The following NAA50 variants were observed in gnomAD, a reference collection of about 807,000 sequenced individuals.
The protein encoded by NAA50 is N-alpha-acetyltransferase 50, NatE catalytic subunit.
In NAA50, 7 loss-of-function variants were observed where a neutral mutation model predicts 20.7. The ratio of observed to expected loss-of-function variants is 0.34; its 90% CI spans 0.19 to 0.63. The LOEUF is 0.63. Among genes scored for constraint, NAA50 ranks in the 30% least tolerant of loss-of-function variants. The probability of loss-of-function intolerance (pLI) is 0.75; values close to 1 mark genes in which losing one functional copy is unlikely to be tolerated. For synonymous variants in NAA50, 54 were observed against 70.6 expected (o/e 0.77, Z 1.18); for missense variants, 111 against 199.1 (o/e 0.56, Z 2.66).
intron 2 of NAA50, 62 bp from the exon 3 acceptor site, chr3:113,723,603 C>T: frequency 6.6e-7 from 1 of 1,510,042 alleles, no homozygotes; most frequent in Non-Finnish European, 8.9e-7. Flanking sequence ...TAATCTTTTT[C>T]CCTTTTAAAG....
At chr3:113,726,368 T>C (rs968114624) in intron 1 of NAA50, among the ~76,000 whole-genome samples, 1 of 152,176 alleles carries the variant, frequency 6.6e-6, no homozygotes, top group Non-Finnish European at 1.5e-5. Context: ...GAATTCCCTG[T>C]ATGAAATTCA....
At chr3:113,744,059 C>G (rs1708457054) in intron 1 of NAA50, among the ~76,000 whole-genome samples, 1 of 152,176 alleles carries the variant, frequency 6.6e-6, no homozygotes, top group Admixed American at 6.5e-5. Context: ...AATTTCAACA[C>G]TGGGAACTCT....
intron 1 of NAA50, among the ~76,000 whole-genome samples, chr3:113,743,101 A>G (rs1708439623): frequency 6.6e-6 from 1 of 152,232 alleles, no homozygotes; most frequent in African/African-American, 2.4e-5. Context: ...TCAGTAGTTA[A>G]TAACCGGAAA....
At chr3:113,738,645 T>C (rs1356572768) in intron 1 of NAA50, among the ~76,000 whole-genome samples, 1 of 152,246 alleles carries the variant, frequency 6.6e-6, no homozygotes, top group African/African-American at 2.4e-5. Flanking sequence ...CCTTTATTAG[T>C]GACCCTACTG....
Position 113,719,113 on chromosome 3 carries a change from A to G in NAA50, c.*2647T>C, listed in dbSNP as rs1212392231. 1.3e-5 allele frequency: 2 copies of G among 152,542 alleles called. No homozygotes were observed. The highest frequency in any genetic ancestry group is 4.8e-5 in the African/African-American group (2 of 41,432). 9.4% of individuals were successfully genotyped at this position (152,542 alleles called of 1,614,324 possible). ...AGTATTTTTTTAAGTTATTCCCTCCAAAAAACTGAGGGAGCTTTTCTTTTC... is the reference window on the plus strand; with the variant it reads ...AGTATTTTTTTAAGTTATTCCCTCCGAAAAACTGAGGGAGCTTTTCTTTTC... On this transcript the variant is annotated 3_prime_UTR_variant, in exon 5 of 5. Coordinates refer to ENST00000240922, the MANE Select transcript of NAA50 (RefSeq NM_025146.4).
intron 1 of NAA50, among the ~76,000 whole-genome samples, chr3:113,727,694 T>C (rs376378644): frequency 1.2e-3 from 182 of 151,990 alleles, no homozygotes; most frequent in African/African-American, 4.0e-3. Flanking sequence ...TGCAATAATA[T>C]GGCCAGAAAT....
intron 1 of NAA50, among the ~76,000 whole-genome samples, chr3:113,734,097 A>G (rs774094810): frequency 4.6e-5 from 7 of 152,122 alleles, no homozygotes; most frequent in Non-Finnish European, 8.8e-5. Context: ...ATTTCCACAC[A>G]TACACCATGG....
intron 1 of NAA50, among the ~76,000 whole-genome samples, chr3:113,726,527 T>C (rs1247493733): frequency 6.6e-6 from 1 of 151,158 alleles, no homozygotes; most frequent in Non-Finnish European, 1.5e-5. Context: ...GGGCAGATCA[T>C]AAGGTCAAGA....
At chr3:113,730,997 C>A (rs921781921) in intron 1 of NAA50, among the ~76,000 whole-genome samples, 55 of 152,168 alleles carry the variant, frequency 3.6e-4, no homozygotes, top group African/African-American at 1.2e-3. Flanking sequence ...GAATCTTCAT[C>A]AGCATTTGGC....
chr3:113,734,705 T>C (rs914535163), intron 1 of NAA50, among the ~76,000 whole-genome samples: 2 of 152,186 alleles, frequency 1.3e-5, no homozygotes, highest in African/African-American at 4.8e-5. Context: ...AGAACAGAAA[T>C]TGAATGAGAG....
chr3:113,736,880 G>A (rs1341463263), intron 1 of NAA50, among the ~76,000 whole-genome samples: 1 of 152,138 alleles, frequency 6.6e-6, no homozygotes, highest in Non-Finnish European at 1.5e-5. Flanking sequence ...TATAGAGAAA[G>A]CTTAAAGCCT....
intron 1 of NAA50, 67 bp downstream of exon 1, chr3:113,745,874 TC>T: frequency 6.5e-7 from 1 of 1,537,618 alleles, no homozygotes; most frequent in Admixed American, 2.0e-5. Context: ...TTTGCGGCTC[TC>T]CCCCTCTACA....
rs183793414 is a variant in NAA50 at position 113,720,079 on chromosome 3, C to T, written c.*1681G>A. 1 of 152,752 alleles carries T rather than the reference C, an allele frequency of 6.5e-6. No homozygotes were observed. The highest frequency in any genetic ancestry group is 6.5e-5 in the Admixed American group (1 of 15,304). 9.5% of individuals were successfully genotyped at this position (152,752 alleles called of 1,614,324 possible). A position where few individuals can be genotyped will look rare whatever the true frequency, so the allele number is the denominator to read the frequency against. ...CAAGGTCTTTCTACATTTTTACCAT[C>T]TTAAGATTAGAACCCTATAAACTCA... On this transcript the variant is annotated 3_prime_UTR_variant, in exon 5 of 5. Transcript: ENST00000240922.
At chr3:113,723,321 G>T in intron 3 of NAA50, 101 bp downstream of exon 3, 2 of 1,128,268 alleles carry the variant, frequency 1.8e-6, no homozygotes, top group South Asian at 3.5e-5. Flanking sequence ...CCCTTTCTCA[G>T]TATTCCTTAA....
chr3:113,741,253 A>G (rs1708410226), intron 1 of NAA50: 1 of 395,670 alleles, frequency 2.5e-6, no homozygotes, highest in Non-Finnish European at 4.9e-6. Flanking sequence ...GACTGCAGAC[A>G]TCTTACCCGG....
chr3:113,744,334 C>T (rs1050499815), intron 1 of NAA50, among the ~76,000 whole-genome samples: 1 of 151,802 alleles, frequency 6.6e-6, no homozygotes, highest in Admixed American at 6.6e-5. Flanking sequence ...CGTGGTGGTG[C>T]GCGCCTGAGG....
chr3:113,731,565 A>T (rs961898984), intron 1 of NAA50, among the ~76,000 whole-genome samples: 65 of 152,236 alleles, frequency 4.3e-4, no homozygotes, highest in African/African-American at 1.5e-3. Context: ...TATCATTGCA[A>T]TTCAGTTTTG....
chr3:113,731,545 G>A (rs770910428), intron 1 of NAA50, among the ~76,000 whole-genome samples: 2 of 152,036 alleles, frequency 1.3e-5, no homozygotes, highest in African/African-American at 2.4e-5. Context: ...TTACTATAAA[G>A]TTGTGCAACT....
At position 113,722,992 on chromosome 3, in the gene NAA50, C is replaced by A; in HGVS notation, c.266-20G>T. 6.6e-7 allele frequency: 1 copy of A among 1,507,840 alleles called. No individual in the cohort carries two copies. The highest frequency in any genetic ancestry group is 8.9e-7 in the Non-Finnish European group (1 of 1,119,082). 93.4% of individuals were successfully genotyped at this position (1,507,840 alleles called of 1,614,324 possible). A position where few individuals can be genotyped will look rare whatever the true frequency, so the allele number is the denominator to read the frequency against. On this transcript the variant is annotated intron_variant, in intron 3 of 4. Coordinates refer to ENST00000240922, the MANE Select transcript of NAA50 (RefSeq NM_025146.4). The stretch of plus-strand genomic sequence containing the variant: ...TAGTTCCTGTTAATAAAATAAATAA[C>A]AAACACGTGACTTCATAAATCAACC...
Sources: gnomAD v4.1 joint callset for allele counts (sites outside exome capture counted in the v4.1 genomes callset) on GRCh38, gnomAD v4.1.1 for gene constraint, MANE v1.5 for transcripts, NCBI Gene and HGNC (gene_info 2026-07-23, HGNC 2026-07-21) for gene names.